GPR137C: variants seen among roughly 807,000 people sequenced by gnomAD.
GPR137C encodes the protein G protein-coupled receptor 137C.
In GPR137C, 27 loss-of-function variants were observed where a neutral mutation model predicts 43.4. The ratio of observed to expected loss-of-function variants is 0.62; its 90% CI spans 0.46 to 0.86. The LOEUF (loss-of-function observed/expected upper bound fraction) is 0.86. Among genes scored for constraint, GPR137C ranks in the 40% least tolerant of loss-of-function variants. The pLI is 0.00. For missense variants in GPR137C, 522 were observed against 534.6 expected, an observed-to-expected ratio of 0.98 and a Z score of 0.23; for synonymous variants, 285 against 226.9, an observed-to-expected ratio of 1.26 and a Z score of -2.30.
chr14:52,618,743 G>T (rs2039127280), intron 3 of GPR137C, among the ~76,000 whole-genome samples: 1 of 151,942 alleles, frequency 6.6e-6, no homozygotes. Context: ...AATAAGAACA[G>T]TTATAAGAAT....
chr14:52,584,512 A>G, intron 1 of GPR137C, among the ~76,000 whole-genome samples: 1 of 152,184 alleles, frequency 6.6e-6, no homozygotes, highest in East Asian at 1.9e-4. Flanking sequence ...TGTGGTCTTC[A>G]GAGAATCCTT....
chr14:52,579,651 G>C (rs1311689285), intron 1 of GPR137C, among the ~76,000 whole-genome samples: 2 of 152,172 alleles, frequency 1.3e-5, no homozygotes, highest in Non-Finnish European at 2.9e-5. Flanking sequence ...AAAGGACGTA[G>C]AGTCAAATCA....
intron 3 of GPR137C, among the ~76,000 whole-genome samples, chr14:52,624,566 A>G (rs1054047309): frequency 8.1e-6 from 1 of 122,976 alleles, no homozygotes; most frequent in African/African-American, 2.6e-5. Context: ...TCTACAAAAA[A>G]TACAAAAATT....
chr14:52,614,326 G>T (rs567426405), intron 3 of GPR137C, among the ~76,000 whole-genome samples: 59 of 151,890 alleles, frequency 3.9e-4, no homozygotes, highest in African/African-American at 1.3e-3. Flanking sequence ...TCACCATGTC[G>T]CCCAGGCTGG....
chr14:52,560,125 C>T (rs1160946801), intron 1 of GPR137C, among the ~76,000 whole-genome samples: 2 of 152,124 alleles, frequency 1.3e-5, no homozygotes, highest in Non-Finnish European at 2.9e-5. Flanking sequence ...CCACTGCACT[C>T]CAGCTTGGGC....
intron 3 of GPR137C, among the ~76,000 whole-genome samples, chr14:52,631,299 C>T (rs1165732278): frequency 6.6e-6 from 1 of 152,036 alleles, no homozygotes; most frequent in Non-Finnish European, 1.5e-5. Flanking sequence ...ATCTAGCATC[C>T]CTGGACGTTG....
intron 3 of GPR137C, chr14:52,612,480 G>A (rs71422094): frequency 0.047 from 46,411 of 980,518 alleles, 1,202 homozygotes; most frequent in Non-Finnish European, 0.052. Context: ...AGAGTTAGAG[G>A]TTTTAGTAAT....
chr14:52,606,194 G>A (rs1304219042), intron 3 of GPR137C, among the ~76,000 whole-genome samples: 1 of 151,876 alleles, frequency 6.6e-6, no homozygotes, highest in African/African-American at 2.4e-5. Flanking sequence ...CTTTGTTGGG[G>A]GACTTTATTA....
At chr14:52,625,920 T>G (rs988074446) in intron 3 of GPR137C, among the ~76,000 whole-genome samples, 1 of 152,096 alleles carries the variant, frequency 6.6e-6, no homozygotes, top group Non-Finnish European at 1.5e-5. Flanking sequence ...TTGACAAAGA[T>G]AGAGTGGCAG....
intron 1 of GPR137C, among the ~76,000 whole-genome samples, chr14:52,574,187 A>G (rs941559330): frequency 6.6e-6 from 1 of 152,206 alleles, no homozygotes; most frequent in Non-Finnish European, 1.5e-5. Flanking sequence ...TAGACCAGTA[A>G]TACCATTTGA....
At chr14:52,576,100 T>C (rs1177143779) in intron 1 of GPR137C, among the ~76,000 whole-genome samples, 2 of 152,298 alleles carry the variant, frequency 1.3e-5, no homozygotes, top group South Asian at 4.1e-4. Context: ...GTAACTCACA[T>C]TGTTAGCATA....
Position 52,553,240 on chromosome 14 carries a change from C to G in GPR137C, c.93C>G (p.Gly31=). The part of the protein sequence containing the change: ...STPGGGSGGG[G]AVAAASGAAV... ...CCGGCGGGGGCAGCGGAGGCGGAGG[C>G]GCCGTCGCTGCAGCCTCAGGCGCCG... The change falls in exon 1 of 7, where the codon GGC becomes GGG. Residue 31 remains glycine, a synonymous_variant. Coordinates refer to ENST00000321662, the MANE Select transcript of GPR137C (RefSeq NM_001099652.2). 4 of 1,302,646 alleles carry G rather than the reference C, an allele frequency of 3.1e-6. No homozygotes were observed. Among genetic ancestry groups the G allele is most frequent in the Non-Finnish European group, 3.9e-6 (4 of 1,025,722 alleles). The allele number at this position is 1,302,646 out of a possible 1,614,324, so 80.7% of individuals were successfully genotyped here. A position where few individuals can be genotyped will look rare whatever the true frequency, so the allele number is the denominator to read the frequency against.
chr14:52,604,874 G>A (rs1429530582), intron 3 of GPR137C, among the ~76,000 whole-genome samples: 2 of 152,210 alleles, frequency 1.3e-5, no homozygotes, highest in Non-Finnish European at 2.9e-5. Context: ...CTATAAGTGT[G>A]TGGATTTATT....
In GPR137C at chr14:52,625,532, C is replaced by CTTTTT. The variant is rs770278309; in HGVS notation, c.718-6592_718-6588dup. On this transcript the variant is annotated intron_variant, in intron 3 of 6. Transcript: ENST00000321662. ...GAAAATAGAGGAGGGAAGAACACAT[C>CTTTTT]TTTTTTTTTTTTTTTTTTTTTTTTT... 1.7e-4 allele frequency among the ~76,000 whole-genome samples: 6 copies of CTTTTT among 36,080 alleles called. 1 individual carries two copies. Among genetic ancestry groups the CTTTTT allele is most frequent in the Non-Finnish European group, 2.5e-4 (5 of 19,936 alleles). The allele number at this position is 36,080 out of a possible 152,430, so 23.7% of individuals were successfully genotyped here. A position where few individuals can be genotyped will look rare whatever the true frequency, so the allele number is the denominator to read the frequency against.
At chr14:52,564,202 G>A (rs1254586433) in intron 1 of GPR137C, among the ~76,000 whole-genome samples, 6 of 149,724 alleles carry the variant, frequency 4.0e-5, no homozygotes. Context: ...TTGAACCTGG[G>A]AGGCAGAGGT....
intron 1 of GPR137C, among the ~76,000 whole-genome samples, chr14:52,578,596 T>C (rs1594787605): frequency 6.6e-6 from 1 of 152,182 alleles, no homozygotes; most frequent in East Asian, 1.9e-4. Context: ...ATCTCTTTTA[T>C]TAAAGACTTT....
chr14:52,596,305 C>T (rs1464661423), intron 1 of GPR137C, among the ~76,000 whole-genome samples: 2 of 152,238 alleles, frequency 1.3e-5, no homozygotes, highest in Non-Finnish European at 2.9e-5. Flanking sequence ...GCAGTCTGTC[C>T]GTTCTCAGAG....
chr14:52,590,744 C>T (rs941303262), intron 1 of GPR137C, among the ~76,000 whole-genome samples: 1 of 152,104 alleles, frequency 6.6e-6, no homozygotes, highest in African/African-American at 2.4e-5. Flanking sequence ...ACCATATGGC[C>T]TAGGTATGTA....
Position 52,600,291 on chromosome 14 carries a change from A to G in GPR137C, c.667A>G (p.Ile223Val). ...ILCAISLVCY[I>V]CKITKMSSAN... is the part of the protein sequence containing the mutation. ...TTGTGCCATCTCTTTAGTGTGTTACATATGCAAAATTACAAAAATGTCATC... is the reference window on the plus strand; with the variant it reads ...TTGTGCCATCTCTTTAGTGTGTTACGTATGCAAAATTACAAAAATGTCATC... Residue 223 changes from isoleucine to valine, a missense_variant, in exon 3 of 7, where the codon ATA (isoleucine) becomes GTA (valine). By Grantham distance (29) the Ile-to-Val change is conservative (BLOSUM62 3). Around this residue, in one of 3 missense-constraint regions of GPR137C, gnomAD observed 437 missense variants for 425.7 expected, o/e 1.03. Transcript: ENST00000321662. The G allele has an allele frequency of 6.2e-7, 1 of 1,612,972 alleles. No homozygotes were observed. Among genetic ancestry groups the G allele is most frequent in the Non-Finnish European group, 8.5e-7 (1 of 1,179,184 alleles).
Sources: gnomAD v4.1 joint callset for allele counts (sites outside exome capture counted in the v4.1 genomes callset) on GRCh38, gnomAD v4.1.1 for gene constraint, gnomAD v4.1.1 regional missense constraint, MANE v1.5 for transcripts, NCBI Gene and HGNC (gene_info 2026-07-23, HGNC 2026-07-21) for gene names.